ANO2: variants seen among roughly 807,000 people sequenced by gnomAD.
ANO2 encodes anoctamin 2.
ANO2 carries 101 observed loss-of-function variants against 124.2 expected under a neutral mutation model. The ratio of observed to expected loss-of-function variants is 0.81; its 90% CI spans 0.69 to 0.96. The LOEUF is 0.96. Among genes scored for constraint, ANO2 ranks in the 40% least tolerant of loss-of-function variants. ANO2 has a pLI of 0.00. For synonymous variants in ANO2, 486 were observed against 482.5 expected (o/e 1.01, Z -0.09); for missense variants, 1,293 against 1,274.5 (o/e 1.01, Z -0.22).
At chr12:5,664,267 C>G (rs1302670819) in intron 14 of ANO2, among the ~76,000 whole-genome samples, 1 of 152,140 alleles carries the variant, frequency 6.6e-6, no homozygotes, top group Non-Finnish European at 1.5e-5. Context: ...ATCCACCCAC[C>G]CATCTACCTA....
intron 8 of ANO2, 41 bp downstream of exon 8, chr12:5,807,272 T>C (rs1056303559): frequency 6.6e-7 from 1 of 1,523,354 alleles, no homozygotes; most frequent in African/African-American, 1.4e-5. Flanking sequence ...TTTCAAAGTT[T>C]TGAAGACTAC....
At chr12:5,883,870 C>G (rs1469426175) in intron 3 of ANO2, among the ~76,000 whole-genome samples, 1 of 152,176 alleles carries the variant, frequency 6.6e-6, no homozygotes, top group Non-Finnish European at 1.5e-5. Context: ...TAATTGCTAA[C>G]ATTGATTGAT....
intron 1 of ANO2, among the ~76,000 whole-genome samples, chr12:5,923,192 A>G (rs1213393592): frequency 8.0e-6 from 1 of 125,660 alleles, no homozygotes; most frequent in African/African-American, 2.7e-5. Context: ...ACATACACAC[A>G]CACGCACGCA....
intron 3 of ANO2, among the ~76,000 whole-genome samples, chr12:5,888,350 T>C (rs893415633): frequency 5.9e-5 from 9 of 152,094 alleles, no homozygotes; most frequent in African/African-American, 2.2e-4. Context: ...GCAGCAAGAT[T>C]TATTGCAAAA....
At chr12:5,579,517 A>T (rs113344508) in intron 20 of ANO2, among the ~76,000 whole-genome samples, 2 of 152,152 alleles carry the variant, frequency 1.3e-5, no homozygotes, top group Admixed American at 1.3e-4. Context: ...GACAGCTGGA[A>T]AGAGTCCAGC....
Position 5,925,915 on chromosome 12 carries a change from G to A in ANO2, c.23-3111C>T, listed in dbSNP as rs1158078550. 2.6e-5 allele frequency among the ~76,000 whole-genome samples: 4 copies of A among 152,200 alleles called. No individual in the cohort carries two copies. The highest frequency in any genetic ancestry group is 4.4e-5 in the Non-Finnish European group (3 of 68,038). On this transcript the variant is annotated intron_variant, in intron 1 of 24. Transcript: ENST00000682330. The surrounding 1 kb of genome is among the most constrained non-coding windows in gnomAD (Gnocchi z 4.6). ...CTCATCCACTCCAGAGACCTTCATT[G>A]TCACCTATTGCTGACGACACTTAAG...
At chr12:5,690,178 T>C (rs1948871660) in intron 14 of ANO2, among the ~76,000 whole-genome samples, 1 of 152,140 alleles carries the variant, frequency 6.6e-6, no homozygotes, top group African/African-American at 2.4e-5. Context: ...CTTATGGGAT[T>C]GAAGGCGGAC....
intron 19 of ANO2, among the ~76,000 whole-genome samples, chr12:5,605,068 T>G (rs913168049): frequency 6.6e-6 from 1 of 152,126 alleles, no homozygotes; most frequent in African/African-American, 2.4e-5. Context: ...GCAGCAGGAA[T>G]CTGGGCCCTA....
At chr12:5,733,586 C>T (rs936832739) in intron 13 of ANO2, among the ~76,000 whole-genome samples, 1 of 152,188 alleles carries the variant, frequency 6.6e-6, no homozygotes, top group African/African-American at 2.4e-5. Context: ...TATCCCTGTC[C>T]ATATGTCAGA....
chr12:5,889,334 C>T (rs184376475), intron 3 of ANO2, among the ~76,000 whole-genome samples: 1 of 152,378 alleles, frequency 6.6e-6, no homozygotes, highest in African/African-American at 2.4e-5. Flanking sequence ...TCAAGTGCCA[C>T]CAAAGTGGGA....
intron 3 of ANO2, among the ~76,000 whole-genome samples, chr12:5,865,100 C>A (rs911351824): frequency 2.0e-5 from 3 of 152,196 alleles, no homozygotes; most frequent in Non-Finnish European, 4.4e-5. Context: ...TCCCCTCCCC[C>A]ACAAGGATAT....
chr12:5,692,190 G>T (rs773522015), intron 14 of ANO2, among the ~76,000 whole-genome samples: 1 of 152,116 alleles, frequency 6.6e-6, no homozygotes, highest in Non-Finnish European at 1.5e-5. Flanking sequence ...TTCGCAGTAT[G>T]AACAGAGTGA....
At chr12:5,586,032 G>A (rs900285827) in intron 20 of ANO2, among the ~76,000 whole-genome samples, 13 of 152,190 alleles carry the variant, frequency 8.5e-5, no homozygotes, top group East Asian at 7.7e-4. Flanking sequence ...GTTAGAGCAA[G>A]AAGAGAAATG....
chr12:5,708,595 C>G (rs1003748033), intron 14 of ANO2, among the ~76,000 whole-genome samples: 5 of 152,312 alleles, frequency 3.3e-5, no homozygotes, highest in Admixed American at 2.6e-4. Flanking sequence ...TGGTGCCAAG[C>G]CAGGCTCTAC....
chr12:5,598,913 C>T (rs1184955988), intron 20 of ANO2, among the ~76,000 whole-genome samples: 2 of 152,202 alleles, frequency 1.3e-5, no homozygotes, highest in Non-Finnish European at 2.9e-5. Context: ...TCGAAAACAA[C>T]TAGAGGCTCT....
intron 14 of ANO2, among the ~76,000 whole-genome samples, chr12:5,657,761 C>T (rs2136967996): frequency 7.8e-6 from 1 of 128,774 alleles, no homozygotes; most frequent in South Asian, 3.2e-4. Flanking sequence ...TTCCCCAGTG[C>T]AATTTCAGGT....
At chr12:5,717,159 C>A (rs1447384818) in intron 14 of ANO2, among the ~76,000 whole-genome samples, 1 of 152,206 alleles carries the variant, frequency 6.6e-6, no homozygotes, top group African/African-American at 2.4e-5. Flanking sequence ...CAGGGAGAAA[C>A]AACAGGCATG....
chr12:5,630,468 T>C (rs1945661502), intron 16 of ANO2, among the ~76,000 whole-genome samples: 2 of 152,220 alleles, frequency 1.3e-5, no homozygotes, highest in South Asian at 4.1e-4. Context: ...CCTGATACTC[T>C]TGGTGCCTCT....
At chr12:5,746,195 G>A (rs1273841096) in intron 11 of ANO2, among the ~76,000 whole-genome samples, 2 of 152,176 alleles carry the variant, frequency 1.3e-5, no homozygotes, top group African/African-American at 2.4e-5. Flanking sequence ...GGTCAGGAAT[G>A]AAAAACGTAT....
Sources: allele counts gnomAD v4.1 joint callset (sites outside exome capture counted in the v4.1 genomes callset), GRCh38; gene constraint gnomAD v4.1.1; non-coding constraint Gnocchi (gnomAD v3.1); transcripts MANE v1.5; gene names NCBI Gene and HGNC (gene_info 2026-07-23, HGNC 2026-07-21).